Variants in LNX1 observed in about 807,000 individuals in gnomAD.
LNX1 encodes the protein ligand of numb-protein X 1.
A neutral mutation model predicts 68.4 loss-of-function variants in LNX1; 54 were observed. The observed-to-expected ratio is 0.79, with a 90% CI of 0.63 to 0.99. The LOEUF is 0.99. Ranked by LOEUF, LNX1 falls within the 50% of genes least tolerant of loss-of-function variation. The pLI, the probability that LNX1 is intolerant of heterozygous loss-of-function variation, is 0.00. For missense variants in LNX1, 906 were observed against 926.4 expected (o/e 0.98, Z 0.29); for synonymous variants, 336 against 350.0 (o/e 0.96, Z 0.45).
intron 4 of LNX1, among the ~76,000 whole-genome samples, chr4:53,504,119 A>G (rs552246118): frequency 2.0e-5 from 3 of 152,190 alleles, no homozygotes; most frequent in South Asian, 2.1e-4. Context: ...TGGGCTACAG[A>G]GCGAGCGAGA....
intron 2 of LNX1, among the ~76,000 whole-genome samples, chr4:53,607,486 T>C (rs905065511): frequency 3.9e-5 from 6 of 152,190 alleles, no homozygotes; most frequent in African/African-American, 1.4e-4. Flanking sequence ...GGAAAAGCAT[T>C]CCATGTTCAT....
chr4:53,505,289 C>T lies in LNX1; in HGVS notation c.775+2028G>A, dbSNP rs559151197. 2.4e-4 allele frequency among the ~76,000 whole-genome samples: 36 copies of T among 148,710 alleles called. No homozygotes were observed. In the East Asian group the frequency reaches 6.9e-3, roughly 29 times the overall value. On this transcript the variant is annotated intron_variant, in intron 4 of 10. Transcript: ENST00000263925. ...ACTTTTTTTTTTTTTGAGATGGAGT[C>T]ACCCAGGCTGGAGTGCAGTGACACA...
At chr4:53,506,261 C>T (rs978114369) in intron 4 of LNX1, among the ~76,000 whole-genome samples, 4 of 152,146 alleles carry the variant, frequency 2.6e-5, no homozygotes, top group Admixed American at 2.0e-4. Flanking sequence ...AATGATAGTC[C>T]TATCCCCTTA....
chr4:53,555,032 T>C (rs1729806062), intron 2 of LNX1, among the ~76,000 whole-genome samples: 1 of 151,996 alleles, frequency 6.6e-6, no homozygotes, highest in Admixed American at 6.5e-5. Flanking sequence ...GGTCTGTGCA[T>C]CTGGAAAAAC....
chr4:53,499,540 A>T, intron 4 of LNX1, among the ~76,000 whole-genome samples: 1 of 152,344 alleles, frequency 6.6e-6, no homozygotes, highest in Middle Eastern at 3.4e-3. Flanking sequence ...TTCTCTGCAT[A>T]TATCTCTGCA....
chr4:53,541,611 G>C (rs1327993857), intron 2 of LNX1, among the ~76,000 whole-genome samples: 3 of 152,090 alleles, frequency 2.0e-5, no homozygotes, highest in Non-Finnish European at 4.4e-5. Context: ...GTTCTGACTT[G>C]AGACAAGAAC....
intron 1 of LNX1, among the ~76,000 whole-genome samples, chr4:53,636,582 AAC>A (rs781162800): frequency 1.2e-4 from 19 of 152,180 alleles, no homozygotes; most frequent in Non-Finnish European, 1.9e-4. Flanking sequence ...GGTGTGTCAA[AAC>A]AGTTATACAA....
In LNX1 at chr4:53,520,512, C is replaced by T. The variant is rs1486449343; in HGVS notation, c.381-12285G>A. Among the ~76,000 whole-genome samples the T allele has an allele frequency of 3.3e-5, 5 of 152,172 alleles. No individual in the cohort carries two copies. In the East Asian group the frequency reaches 7.7e-4, roughly 23 times the overall value. The stretch of plus-strand genomic sequence containing the variant: ...GGTCACCGAGTTCATTTCCTCCATA[C>T]TTTGGGGAGGGGGAGCAGGCAATTT... On this transcript the variant is annotated intron_variant, in intron 2 of 10. Transcript: ENST00000263925.
intron 1 of LNX1, among the ~76,000 whole-genome samples, chr4:53,624,822 A>G (rs927175757): frequency 5.0e-4 from 76 of 152,316 alleles, no homozygotes; most frequent in African/African-American, 1.8e-3. Flanking sequence ...TTAATTAACT[A>G]AAATATCCAA....
At chr4:53,617,847 T>C (rs1340032279), upstream of LNX1, among the ~76,000 whole-genome samples, 1 of 152,208 alleles carries the variant, frequency 6.6e-6, no homozygotes, top group Non-Finnish European at 1.5e-5. Context: ...TGCTCTATTA[T>C]TTGTTAACCA....
chr4:53,637,349 G>A (rs1734519539), intron 1 of LNX1, among the ~76,000 whole-genome samples: 1 of 151,850 alleles, frequency 6.6e-6, no homozygotes, highest in African/African-American at 2.4e-5. Context: ...ACCAACCACT[G>A]CTTGAAAAAA....
intron 1 of LNX1, among the ~76,000 whole-genome samples, chr4:53,637,806 A>T (rs536347963): frequency 6.6e-6 from 1 of 152,326 alleles, no homozygotes; most frequent in South Asian, 2.1e-4. Flanking sequence ...CCTTTTGCAG[A>T]TGAGGAAATT....
At chr4:53,517,103 G>A (rs539568906) in intron 2 of LNX1, among the ~76,000 whole-genome samples, 14 of 152,248 alleles carry the variant, frequency 9.2e-5, no homozygotes, top group Admixed American at 3.3e-4. Flanking sequence ...GAGCACTGGC[G>A]GACAGGGTCT....
intron 2 of LNX1, among the ~76,000 whole-genome samples, chr4:53,570,526 A>T: frequency 3.1e-5 from 2 of 64,864 alleles, no homozygotes; most frequent in African/African-American, 1.2e-4. Context: ...GGGTGGGGGG[A>T]GGGGGGAGGG....
chr4:53,577,069 G>A (rs1440432700), intron 1 of LNX1, among the ~76,000 whole-genome samples: 1 of 152,210 alleles, frequency 6.6e-6, no homozygotes, highest in Admixed American at 6.5e-5. Context: ...GGTGCAGGAG[G>A]GGGTAAAGTT....
chr4:53,460,168 G>C lies in LNX1; in HGVS notation c.*739C>G, dbSNP rs1721609692. ...CATGTCTGTGAGCCAGGGTCAAGCT[G>C]GTTTGGCCTTCTTGATGCATTTTCC... On this transcript the variant is annotated 3_prime_UTR_variant, in exon 11 of 11. Transcript: ENST00000263925. 1 of 198,452 alleles carries C rather than the reference G, an allele frequency of 5.0e-6. No individual in the cohort carries two copies. The highest frequency in any genetic ancestry group is 1.0e-5 in the Non-Finnish European group (1 of 95,882). The allele number at this position is 198,452 out of a possible 1,614,324, so 12.3% of individuals were successfully genotyped here.
At chr4:53,635,106 AC>A (rs2048223789) in intron 1 of LNX1, among the ~76,000 whole-genome samples, 1 of 152,178 alleles carries the variant, frequency 6.6e-6, no homozygotes, top group Non-Finnish European at 1.5e-5. Context: ...CTGGAATAGC[AC>A]GCATGAGCCA....
chr4:53,559,067 G>A (rs1403159585), intron 2 of LNX1, among the ~76,000 whole-genome samples: 10 of 152,098 alleles, frequency 6.6e-5, no homozygotes, highest in Admixed American at 4.6e-4. Flanking sequence ...GAAATGGCTC[G>A]AAGGGATAAT....
chr4:53,496,082 C>A lies in LNX1; in HGVS notation c.1291G>T (p.Ala431Ser), dbSNP rs1295236719. The A allele has an allele frequency of 6.2e-7, 1 of 1,614,194 alleles. No homozygotes were observed. The highest frequency in any genetic ancestry group is 1.1e-5 in the South Asian group (1 of 91,076). Residue 431 changes from alanine (A) to serine (S), a missense_variant, in exon 6 of 11, where the codon GCC becomes TCC. By Grantham distance (99) the Ala-to-Ser change is moderately conservative. Transcript: ENST00000263925. The part of the protein sequence containing the change: ...GQLEENDRVL[A>S]INGHDLRYGS... ...TATCGAAGATCATGTCCATTGATGG[C>A]TAACACACGGTCATTCTCCTCAAGC...
Sources: gnomAD v4.1 joint callset for allele counts (sites outside exome capture counted in the v4.1 genomes callset) on GRCh38, gnomAD v4.1.1 for gene constraint, MANE v1.5 for transcripts, NCBI Gene and HGNC (gene_info 2026-07-23, HGNC 2026-07-21) for gene names.